Variants in CD96 observed in about 807,000 individuals in gnomAD.
CD96 encodes the protein T-cell surface protein tactile.
CD96 carries 70 observed loss-of-function variants against 71.3 expected under a neutral mutation model. That is an observed-to-expected ratio of 0.98 (90% CI 0.81 to 1.20). CD96 has a LOEUF of 1.20. CD96 is among the 50% of genes most tolerant of loss of function. The probability of loss-of-function intolerance (pLI) is 0.00; values close to 1 mark genes in which losing one functional copy is unlikely to be tolerated. For synonymous variants in CD96, 248 were observed against 233.0 expected, an observed-to-expected ratio of 1.06 and a Z score of -0.59; for missense variants, 742 against 677.5, an observed-to-expected ratio of 1.10 and a Z score of -1.06.
At chr3:111,652,772 G>T (rs1940136251), downstream of CD96, among the ~76,000 whole-genome samples, 1 of 152,050 alleles carries the variant, frequency 6.6e-6, no homozygotes, top group African/African-American at 2.4e-5. Context: ...AGTACTGTGA[G>T]CTTGACCACC....
intron 2 of CD96, among the ~76,000 whole-genome samples, chr3:111,549,830 G>A (rs1934605599): frequency 6.6e-6 from 1 of 152,170 alleles, no homozygotes; most frequent in Admixed American, 6.5e-5. Context: ...TAATCTTATA[G>A]ATGTTGAGTT....
At chr3:111,627,333 A>ACAGAG (rs1938821737) in intron 10 of CD96, among the ~76,000 whole-genome samples, 1 of 152,194 alleles carries the variant, frequency 6.6e-6, no homozygotes, top group East Asian at 1.9e-4. Context: ...TCCAAACGGA[A>ACAGAG]CAGAGCAGAG....
intron 2 of CD96, among the ~76,000 whole-genome samples, chr3:111,562,205 G>C (rs1935481030): frequency 6.6e-6 from 1 of 152,172 alleles, no homozygotes; most frequent in African/African-American, 2.4e-5. Flanking sequence ...GACCGGAGCT[G>C]TTCCTATTCG....
At chr3:111,618,495 G>A (rs1451238100) in intron 8 of CD96, among the ~76,000 whole-genome samples, 3 of 151,622 alleles carry the variant, frequency 2.0e-5, no homozygotes, top group Middle Eastern at 3.2e-3. Flanking sequence ...AGTCTAGTAA[G>A]CAAAAACCAT....
intron 3 of CD96, among the ~76,000 whole-genome samples, chr3:111,570,370 G>A (rs1466766210): frequency 1.3e-5 from 2 of 152,140 alleles, no homozygotes; most frequent in South Asian, 2.1e-4. Flanking sequence ...TCTGGGAGAG[G>A]AGTCCTTGGG....
At chr3:111,593,285 A>T (rs1937080557) in intron 5 of CD96, 1 of 358,588 alleles carries the variant, frequency 2.8e-6, no homozygotes. Flanking sequence ...AACAACTCAC[A>T]GAGTTTTACT....
At position 111,652,216 on chromosome 3, in the gene CD96, A is replaced by G. The variant is rs1447806252; in HGVS notation, c.*2410A>G. The G allele has an allele frequency of 2.0e-5, 3 of 152,188 alleles. No individual in the cohort carries two copies. Among genetic ancestry groups the G allele is most frequent in the African/African-American group, 7.2e-5 (3 of 41,452 alleles). 9.4% of individuals were successfully genotyped at this position (152,188 alleles called of 1,614,324 possible). A position where few individuals can be genotyped will look rare whatever the true frequency, so the allele number is the denominator to read the frequency against. ...GATAACTATACAGCTCAACAACTAG[A>G]AAAATAAACTGTTTACCTGCCTTAA... is the stretch of plus-strand genomic sequence containing the variant. On this transcript the variant is annotated 3_prime_UTR_variant, in exon 14 of 14. Coordinates refer to ENST00000352690, the MANE Select transcript of CD96 (RefSeq NM_005816.5).
At chr3:111,546,894 C>A (rs1934423807) in intron 2 of CD96, among the ~76,000 whole-genome samples, 1 of 76,138 alleles carries the variant, frequency 1.3e-5, no homozygotes, top group African/African-American at 3.6e-5. Context: ...GGAAAACACA[C>A]CACACACACA....
intron 5 of CD96, among the ~76,000 whole-genome samples, chr3:111,597,597 T>C (rs1192520686): frequency 6.6e-6 from 1 of 152,238 alleles, no homozygotes; most frequent in Non-Finnish European, 1.5e-5. Flanking sequence ...ATGAATTGTT[T>C]TTAAAAATTA....
chr3:111,573,918 C>A (rs1022784744), intron 3 of CD96, among the ~76,000 whole-genome samples: 8 of 152,158 alleles, frequency 5.3e-5, no homozygotes, highest in African/African-American at 9.7e-5. Context: ...GAAGTGCCAA[C>A]CAAACTACAA....
chr3:111,554,200 T>G (rs924377523), intron 2 of CD96, among the ~76,000 whole-genome samples: 1 of 152,062 alleles, frequency 6.6e-6, no homozygotes, highest in Admixed American at 6.6e-5. Context: ...TATTTTCTAC[T>G]TTTTTTCCCT....
At chr3:111,547,815 T>C (rs1018974286) in intron 2 of CD96, among the ~76,000 whole-genome samples, 1 of 152,098 alleles carries the variant, frequency 6.6e-6, no homozygotes, top group African/African-American at 2.4e-5. Flanking sequence ...TCTGGTATTG[T>C]GATTTTGGGT....
chr3:111,599,039 G>A (rs1668177052), intron 6 of CD96, among the ~76,000 whole-genome samples: 1 of 152,036 alleles, frequency 6.6e-6, no homozygotes, highest in African/African-American at 2.4e-5. Flanking sequence ...GGCGATCTCG[G>A]CTCATTGCAA....
chr3:111,578,852 C>T (rs1936339442), intron 3 of CD96, among the ~76,000 whole-genome samples, 175 bp from the exon 4 acceptor site: 1 of 152,204 alleles, frequency 6.6e-6, no homozygotes, highest in Non-Finnish European at 1.5e-5. Context: ...TAGTTTTTAA[C>T]TGAAAGTCAA....
downstream of CD96, among the ~76,000 whole-genome samples, chr3:111,652,867 T>C (rs528742247): frequency 2.0e-5 from 3 of 152,134 alleles, no homozygotes; most frequent in East Asian, 3.9e-4. Flanking sequence ...CAGCAACTCC[T>C]GTCTCTGTTA....
Position 111,617,571 on chromosome 3 carries a change from A to G in CD96, c.1181-6183A>G, listed in dbSNP as rs150907870. Reference sequence around the variant, plus strand: ...TGCCTGCAGAAAGGAGCTACCCACTACAGGTCTCCTCTCCACTGAGAGCTG... The same window carrying G: ...TGCCTGCAGAAAGGAGCTACCCACTGCAGGTCTCCTCTCCACTGAGAGCTG... On this transcript the variant is annotated intron_variant, in intron 8 of 13. Coordinates refer to ENST00000352690, the MANE Select transcript of CD96 (RefSeq NM_005816.5). 7.6e-3 allele frequency among the ~76,000 whole-genome samples: 1,149 copies of G among 152,182 alleles called. 17 individuals are homozygous for G. Among genetic ancestry groups the G allele is most frequent in the African/African-American group, 0.026 (1,090 of 41,538 alleles).
chr3:111,561,253 G>T (rs1202071352), intron 2 of CD96, among the ~76,000 whole-genome samples: 1 of 149,914 alleles, frequency 6.7e-6, no homozygotes, highest in Non-Finnish European at 1.5e-5. Context: ...TGCTGGTGAG[G>T]AACTGTGTTC....
intron 3 of CD96, among the ~76,000 whole-genome samples, chr3:111,575,768 C>T (rs140170311): frequency 2.2e-4 from 34 of 152,356 alleles, no homozygotes; most frequent in African/African-American, 8.2e-4. Flanking sequence ...GGACAAAAAT[C>T]TTTGTCCTCA....
intron 5 of CD96, among the ~76,000 whole-genome samples, chr3:111,589,944 A>G (rs757138743): frequency 5.3e-5 from 8 of 152,216 alleles, no homozygotes; most frequent in Admixed American, 2.0e-4. Flanking sequence ...AATAATAACA[A>G]ATACTTCAGA....
Sources: gnomAD v4.1 joint callset for allele counts (sites outside exome capture counted in the v4.1 genomes callset) on GRCh38, gnomAD v4.1.1 for gene constraint, MANE v1.5 for transcripts, NCBI Gene and HGNC (gene_info 2026-07-23, HGNC 2026-07-21) for gene names.